Variants in FBXL13 observed in about 807,000 individuals in gnomAD.
FBXL13 encodes the protein F-box and leucine rich repeat protein 13.
A neutral mutation model predicts 83.6 loss-of-function variants in FBXL13; 67 were observed. The observed-to-expected ratio is 0.80, with a 90% CI of 0.66 to 0.98. FBXL13 has a LOEUF of 0.98. Ranked by LOEUF, FBXL13 falls within the 50% of genes least tolerant of loss-of-function variation. FBXL13 has a pLI of 0.00. For synonymous variants in FBXL13, 272 were observed against 299.5 expected, an observed-to-expected ratio of 0.91 and a Z score of 0.95; for missense variants, 822 against 866.5, an observed-to-expected ratio of 0.95 and a Z score of 0.64.
chr7:103,002,903 T>C (rs988580631), intron 6 of FBXL13, among the ~76,000 whole-genome samples: 3 of 152,316 alleles, frequency 2.0e-5, no homozygotes, highest in Middle Eastern at 6.8e-3. Context: ...ATCTATTTGG[T>C]GATCTCTGAC....
At chr7:103,019,553 C>T (rs1479423326) in intron 6 of FBXL13, among the ~76,000 whole-genome samples, 1 of 151,890 alleles carries the variant, frequency 6.6e-6, no homozygotes, top group Non-Finnish European at 1.5e-5. Context: ...TTTGAAAAGA[C>T]TAACAAAATT....
rs139051886 is a variant in FBXL13 at position 102,879,439 on chromosome 7, ATG to A, written c.1389-991_1389-990del. On this transcript the variant is annotated intron_variant, in intron 14 of 19. Coordinates refer to ENST00000313221, the Ensembl canonical transcript of FBXL13. ...CCAGCACCTAGGAAAGCAGTTAAGG[ATG>A]TGTGTGTGTGTGTGTGTGTGTGTGT... Among the ~76,000 whole-genome samples the A allele has an allele frequency of 2.6e-3, 374 of 144,582 alleles. 3 individuals carry two copies. Among genetic ancestry groups the A allele is most frequent in the South Asian group, 0.014 (60 of 4,426 alleles). The allele number at this position is 144,582 out of a possible 152,430, so 94.9% of individuals were successfully genotyped here. A position where few individuals can be genotyped will look rare whatever the true frequency, so the allele number is the denominator to read the frequency against.
chr7:102,970,156 C>T (rs535527088), intron 6 of FBXL13, among the ~76,000 whole-genome samples: 4 of 151,992 alleles, frequency 2.6e-5, no homozygotes, highest in East Asian at 3.9e-4. Context: ...GAGGCTGAGA[C>T]GGGAGAATTG....
At chr7:102,971,583 A>C (rs1826670332) in intron 6 of FBXL13, among the ~76,000 whole-genome samples, 2 of 141,464 alleles carry the variant, frequency 1.4e-5, no homozygotes, top group African/African-American at 5.2e-5. Context: ...AATAAGAGCG[A>C]AACTCCGTCT....
At chr7:102,850,522 G>T (rs1311866591) in intron 17 of FBXL13, among the ~76,000 whole-genome samples, 1 of 152,100 alleles carries the variant, frequency 6.6e-6, no homozygotes, top group East Asian at 1.9e-4. Context: ...CTATCACCTT[G>T]TCAAAGATCT....
intron 6 of FBXL13, among the ~76,000 whole-genome samples, chr7:102,985,828 A>T (rs1244734645): frequency 6.6e-6 from 1 of 152,210 alleles, no homozygotes; most frequent in East Asian, 1.9e-4. Flanking sequence ...AAACAAACCC[A>T]ATCTCAAATG....
chr7:103,006,102 T>C (rs565761730), intron 6 of FBXL13, among the ~76,000 whole-genome samples: 2 of 152,346 alleles, frequency 1.3e-5, no homozygotes, highest in African/African-American at 4.8e-5. Flanking sequence ...AGATCTATGA[T>C]AGCCCAGGTT....
At chr7:102,927,341 A>G (rs984839273) in intron 9 of FBXL13, among the ~76,000 whole-genome samples, 1 of 152,192 alleles carries the variant, frequency 6.6e-6, no homozygotes, top group Non-Finnish European at 1.5e-5. Context: ...GCAGGTATCT[A>G]TCTGTCTGGA....
At chr7:103,044,060 T>C (rs1423783245) in intron 2 of FBXL13, among the ~76,000 whole-genome samples, 1 of 152,198 alleles carries the variant, frequency 6.6e-6, no homozygotes, top group African/African-American at 2.4e-5. Context: ...TATGCAATAT[T>C]ATTGTCCACA....
At chr7:102,931,296 A>G (rs1819128194) in intron 9 of FBXL13, among the ~76,000 whole-genome samples, 1 of 152,250 alleles carries the variant, frequency 6.6e-6, no homozygotes, top group Non-Finnish European at 1.5e-5. Context: ...AGGCAGAGGC[A>G]AAACCACAGA....
intron 1 of FBXL13, chr7:103,074,223 C>T (rs1484094501): frequency 2.0e-6 from 2 of 993,780 alleles, no homozygotes; most frequent in East Asian, 2.1e-4. Context: ...GCCCTCACGG[C>T]TCCATGGAAA....
At chr7:102,905,596 A>T (rs1358523982) in intron 11 of FBXL13, among the ~76,000 whole-genome samples, 1 of 152,136 alleles carries the variant, frequency 6.6e-6, no homozygotes, top group Non-Finnish European at 1.5e-5. Flanking sequence ...TGGAGAGTTT[A>T]GTCCATTTAC....
At chr7:103,021,858 A>G (rs1793217143) in intron 6 of FBXL13, among the ~76,000 whole-genome samples, 1 of 152,204 alleles carries the variant, frequency 6.6e-6, no homozygotes, top group South Asian at 2.1e-4. Context: ...GTGGAGAAAT[A>G]GTAACACTTT....
At chr7:102,834,086 A>AAAAG (rs751744146) in intron 17 of FBXL13, among the ~76,000 whole-genome samples, 11,734 of 93,244 alleles carry the variant, frequency 0.13, 928 homozygotes, top group East Asian at 0.15. Flanking sequence ...GGAAGGAAAG[A>AAAAG]AAAGAAAGAA....
chr7:102,825,145 C>A (rs1799406424), intron 18 of FBXL13, among the ~76,000 whole-genome samples: 1 of 151,922 alleles, frequency 6.6e-6, no homozygotes, highest in South Asian at 2.1e-4. Flanking sequence ...GGACTGTTAC[C>A]CTTAGGATAG....
At chr7:103,064,191 T>C (rs1227708820) in intron 1 of FBXL13, among the ~76,000 whole-genome samples, 1 of 152,174 alleles carries the variant, frequency 6.6e-6, no homozygotes, top group Non-Finnish European at 1.5e-5. Context: ...CTAAATCAGC[T>C]TGGATTACAT....
At chr7:103,000,936 A>T (rs11976237) in intron 6 of FBXL13, among the ~76,000 whole-genome samples, 1 of 151,802 alleles carries the variant, frequency 6.6e-6, no homozygotes, top group Non-Finnish European at 1.5e-5. Context: ...ATTACGTGAA[A>T]TATTGTTTTG....
chr7:102,870,695 G>A (rs1808408797), intron 16 of FBXL13, among the ~76,000 whole-genome samples: 1 of 152,120 alleles, frequency 6.6e-6, no homozygotes, highest in Non-Finnish European at 1.5e-5. Flanking sequence ...CAGAGCAGGG[G>A]CATGAGGTGG....
chr7:102,821,343 C>T (rs185813434), intron 19 of FBXL13, among the ~76,000 whole-genome samples: 2 of 152,250 alleles, frequency 1.3e-5, no homozygotes, highest in East Asian at 3.9e-4. Flanking sequence ...GTCTATTTTA[C>T]AAGTAATTTT....
Sources: allele counts gnomAD v4.1 joint callset (sites outside exome capture counted in the v4.1 genomes callset), GRCh38; gene constraint gnomAD v4.1.1; transcripts MANE v1.5; gene names NCBI Gene and HGNC (gene_info 2026-07-23, HGNC 2026-07-21).